FCHO2: variants seen among roughly 807,000 people sequenced by gnomAD.
FCHO2 encodes F-BAR domain only protein 2.
FCHO2 carries 43 observed loss-of-function variants against 114.1 expected under a neutral mutation model. The observed-to-expected ratio is 0.38, with a 90% CI of 0.30 to 0.49. The LOEUF (loss-of-function observed/expected upper bound fraction) is 0.49. Among genes scored for constraint, FCHO2 ranks in the 20% least tolerant of loss-of-function variants. The pLI, the probability that FCHO2 is intolerant of heterozygous loss-of-function variation, is 0.97. For synonymous variants in FCHO2, 293 were observed against 315.2 expected, an observed-to-expected ratio of 0.93 and a Z score of 0.75; for missense variants, 807 against 950.4, an observed-to-expected ratio of 0.85 and a Z score of 1.98.
At chr5:72,984,796 CT>C (rs1381634493) in intron 2 of FCHO2, among the ~76,000 whole-genome samples, 1 of 152,014 alleles carries the variant, frequency 6.6e-6, no homozygotes, top group Non-Finnish European at 1.5e-5. Flanking sequence ...CCATGCCCAG[CT>C]AATTTTTGTA....
chr5:73,041,464 A>C, intron 11 of FCHO2, 149 bp downstream of exon 11: 2 of 498,266 alleles, frequency 4.0e-6, no homozygotes, highest in Non-Finnish European at 7.1e-6. Flanking sequence ...TTACAGATGC[A>C]TTTTTGGATT....
intron 5 of FCHO2, among the ~76,000 whole-genome samples, chr5:72,991,369 A>G (rs1050743438): frequency 6.6e-6 from 1 of 152,234 alleles, no homozygotes; most frequent in African/African-American, 2.4e-5. Flanking sequence ...CAACCAAAAA[A>G]CAATGATTTT....
chr5:73,010,628 GCAC>G (rs1561445463), intron 6 of FCHO2, among the ~76,000 whole-genome samples: 1 of 152,030 alleles, frequency 6.6e-6, no homozygotes, highest in Non-Finnish European at 1.5e-5. Flanking sequence ...TGTAATCCCA[GCAC>G]TTTTGGAGGC....
At chr5:72,990,900 A>C in intron 5 of FCHO2, 36 bp downstream of exon 5, 1 of 1,520,068 alleles carries the variant, frequency 6.6e-7, no homozygotes, top group Non-Finnish European at 8.8e-7. Flanking sequence ...TGTGGTTTCA[A>C]AGCACCTTGA....
chr5:72,987,663 G>A (rs1167592305), intron 2 of FCHO2, among the ~76,000 whole-genome samples: 3 of 152,106 alleles, frequency 2.0e-5, no homozygotes, highest in Non-Finnish European at 4.4e-5. Context: ...ATCTGTACTG[G>A]AAATTGAACT....
intron 5 of FCHO2, among the ~76,000 whole-genome samples, chr5:73,000,758 A>G (rs1215352146): frequency 1.4e-5 from 2 of 146,962 alleles, no homozygotes; most frequent in African/African-American, 2.6e-5. Flanking sequence ...CTGGGCAACA[A>G]GAGTGAAACG....
intron 5 of FCHO2, among the ~76,000 whole-genome samples, chr5:72,999,338 TA>T (rs1156996423): frequency 6.6e-6 from 1 of 151,752 alleles, no homozygotes; most frequent in Non-Finnish European, 1.5e-5. Context: ...CTATAGGTGT[TA>T]TAACATAATT....
Position 73,017,232 on chromosome 5 carries a change from T to C in FCHO2, c.720T>C (p.Asn240=), listed in dbSNP as rs1169328428. 3 of 1,544,810 alleles carry C rather than the reference T, an allele frequency of 1.9e-6. No individual in the cohort carries two copies. The highest frequency in any genetic ancestry group is 1.4e-5 in the African/African-American group (1 of 72,704). The stretch of plus-strand genomic sequence containing the variant: ...AATAGGTCCATGAAGAATTTATAAA[T>C]AACATGGCTAATACTACAGTTGAAA... ...QIGQVHEEFI[N]NMANTTVESL... is the part of the protein sequence containing the mutation. Residue 240 remains asparagine (N), a synonymous_variant, in exon 8 of 26, where the codon AAT becomes AAC. Coordinates refer to ENST00000430046, the MANE Select transcript of FCHO2 (RefSeq NM_138782.3).
chr5:73,049,034 G>A lies in FCHO2; in HGVS notation c.940-2315G>A, dbSNP rs1757218769. Among the ~76,000 whole-genome samples the A allele has an allele frequency of 2.0e-5, 3 of 150,962 alleles. No homozygotes were observed. The South Asian group carries it at 6.3e-4, about 32-fold the overall frequency. ...TGGGACTACAGGCGCCCGCTACCAC[G>A]CCCGGCTAATTTTTTGTATTTTTAG... is the stretch of plus-strand genomic sequence containing the variant. On this transcript the variant is annotated intron_variant, in intron 11 of 25. Coordinates refer to ENST00000430046, the MANE Select transcript of FCHO2 (RefSeq NM_138782.3).
chr5:73,023,714 A>AT (rs1189506508), intron 8 of FCHO2, among the ~76,000 whole-genome samples: 1 of 151,568 alleles, frequency 6.6e-6, no homozygotes, highest in Non-Finnish European at 1.5e-5. Context: ...AAAAAAAAAA[A>AT]GTAATGTAGT....
chr5:72,982,828 T>C (rs1580045839), intron 2 of FCHO2, among the ~76,000 whole-genome samples: 1 of 9,414 alleles, frequency 1.1e-4, no homozygotes, highest in Non-Finnish European at 6.5e-4. Context: ...CTGGATTCAT[T>C]TTTTTTTTTT....
At chr5:72,969,425 C>T (rs1429717981) in intron 2 of FCHO2, among the ~76,000 whole-genome samples, 2 of 152,180 alleles carry the variant, frequency 1.3e-5, no homozygotes, top group African/African-American at 4.8e-5. Flanking sequence ...TTCTTACTCC[C>T]TCCTCTCTAC....
Position 73,088,088 on chromosome 5 carries a change from T to C in FCHO2, c.2431T>C (p.Ter811ArgextTer27). The change falls in exon 26 of 26, where the codon TGA becomes CGA. Residue 811 changes from the stop codon to arginine, a stop_lost. Transcript: ENST00000430046. ...TTCAGGACGATACCTGGCGGATTGT[T>C]GATGGACCTGGGAAAGTGATGTGGC... Reference protein sequence around the residue: ...FATGRYLADC* With the variant: ...FATGRYLADCR The C allele has an allele frequency of 1.9e-6, 3 of 1,613,500 alleles. No homozygotes were observed. The highest frequency in any genetic ancestry group is 2.5e-6 in the Non-Finnish European group (3 of 1,179,702).
intron 15 of FCHO2, 104 bp downstream of exon 15, chr5:73,054,653 C>A: frequency 1.2e-6 from 1 of 828,516 alleles, no homozygotes; most frequent in South Asian, 1.7e-5. Context: ...CTTTTCTCAT[C>A]ATGAGCCCTA....
At chr5:72,990,287 T>C (rs951621663) in intron 3 of FCHO2, among the ~76,000 whole-genome samples, 191 bp from the exon 4 acceptor site, 31 of 152,078 alleles carry the variant, frequency 2.0e-4, no homozygotes, top group Non-Finnish European at 3.4e-4. Context: ...GGTCCAAAAA[T>C]ATTTTAAATA....
At chr5:72,968,302 T>C (rs1752316595) in intron 1 of FCHO2, among the ~76,000 whole-genome samples, 196 bp from the exon 2 acceptor site, 1 of 152,360 alleles carries the variant, frequency 6.6e-6, no homozygotes, top group African/African-American at 2.4e-5. Flanking sequence ...GGTATATGTA[T>C]ATATAGTTAA....
chr5:73,037,121 A>C, intron 9 of FCHO2, 22 bp from the exon 10 acceptor site: 1 of 1,442,704 alleles, frequency 6.9e-7, no homozygotes, highest in South Asian at 1.3e-5. Context: ...TGTTTCTGTA[A>C]CAATATATAT....
rs368060778 is a variant in FCHO2, at chr5:73,018,626, A to G, written c.796+1318A>G. 3.9e-5 allele frequency among the ~76,000 whole-genome samples: 6 copies of G among 152,078 alleles called. No individual in the cohort carries two copies. In the South Asian group the frequency reaches 1.2e-3, roughly 31 times the overall value. On this transcript the variant is annotated intron_variant, in intron 8 of 25. Transcript: ENST00000430046. The stretch of plus-strand genomic sequence containing the variant: ...AAACAGTTTGCTATACAGCCAAAAG[A>G]GGGGAAAGCTATAACCTTAGGAACT...
chr5:73,081,643 C>A, intron 22 of FCHO2, 140 bp from the exon 23 acceptor site: 2 of 519,766 alleles, frequency 3.8e-6, no homozygotes, highest in Non-Finnish European at 6.4e-6. Context: ...TGAGATAGGT[C>A]TGCTTCACTC....
Sources: allele counts gnomAD v4.1 joint callset (sites outside exome capture counted in the v4.1 genomes callset), GRCh38; gene constraint gnomAD v4.1.1; transcripts MANE v1.5; gene names NCBI Gene and HGNC (gene_info 2026-07-23, HGNC 2026-07-21).